STAC: variants seen among roughly 807,000 people sequenced by gnomAD.
STAC encodes SH3 and cysteine rich domain.
Under a neutral mutation model 48.8 loss-of-function variants are expected in STAC, and 43 were observed. That is an observed-to-expected ratio of 0.88 (90% CI 0.69 to 1.14). The LOEUF is 1.14. Among genes scored for constraint, STAC ranks in the 50% most tolerant of loss-of-function variants. STAC has a pLI of 0.00. For synonymous variants in STAC, 193 were observed against 179.5 expected, an observed-to-expected ratio of 1.07 and a Z score of -0.60; for missense variants, 497 against 504.0, an observed-to-expected ratio of 0.99 and a Z score of 0.13.
chr3:36,483,091 T>C lies in STAC; in HGVS notation c.488T>C (p.Leu163Pro). The change falls in exon 3 of 11, where the codon CTG becomes CCG. Residue 163 changes from leucine to proline, a missense_variant and splice_region_variant. Transcript: ENST00000273183. ...GCACCCCAGCGGTGCATGGGCAAGC[T>C]GGTAAGGGCTTGTGCCAGGAGTGAG... Reference protein sequence around the residue: ...GLAPQRCMGKLPKGFRRYYSS... With the variant: ...GLAPQRCMGKPPKGFRRYYSS... The C allele has an allele frequency of 2.5e-6, 4 of 1,612,764 alleles. No individual in the cohort carries two copies. The highest frequency in any genetic ancestry group is 3.4e-6 in the Non-Finnish European group (4 of 1,178,768).
intron 2 of STAC, among the ~76,000 whole-genome samples, chr3:36,462,526 C>T (rs902162412): frequency 1.3e-5 from 2 of 152,044 alleles, no homozygotes; most frequent in Non-Finnish European, 2.9e-5. Context: ...AATGACTGAG[C>T]CCTGGAGCCC....
At chr3:36,431,367 G>A (rs1243970840) in intron 1 of STAC, among the ~76,000 whole-genome samples, 1 of 152,148 alleles carries the variant, frequency 6.6e-6, no homozygotes, top group African/African-American at 2.4e-5. Flanking sequence ...TGCAGAGTGG[G>A]GAGTGGCCAC....
At chr3:36,486,338 C>G in intron 5 of STAC, 89 bp downstream of exon 5, 1 of 1,166,260 alleles carries the variant, frequency 8.6e-7, no homozygotes. Context: ...TTCCACCTGA[C>G]TGCCTCATGA....
At chr3:36,475,827 A>G (rs1697478969) in intron 2 of STAC, among the ~76,000 whole-genome samples, 1 of 152,208 alleles carries the variant, frequency 6.6e-6, no homozygotes, top group Non-Finnish European at 1.5e-5. Context: ...AGAGACAGAG[A>G]GAGTGGCTCC....
intron 1 of STAC, among the ~76,000 whole-genome samples, chr3:36,383,186 T>A (rs1039656844): frequency 6.6e-6 from 1 of 152,224 alleles, no homozygotes. Context: ...TATATTTACA[T>A]AGTTGAGCGA....
rs548327234 is a variant in STAC at position 36,446,458 on chromosome 3, C to T, written c.388+2818C>T. Among the ~76,000 whole-genome samples the T allele has an allele frequency of 2.6e-5, 4 of 152,298 alleles. No individual in the cohort carries two copies. The South Asian group carries it at 6.2e-4, about 24-fold the overall frequency. On this transcript the variant is annotated intron_variant, in intron 2 of 10. Transcript: ENST00000273183. ...ACATACTTCCTCCACCAAGCAGATC[C>T]ACTCTTAGGCCTTGACAATCAGTTA...
chr3:36,469,724 T>C (rs185300197), intron 2 of STAC, among the ~76,000 whole-genome samples: 1 of 152,278 alleles, frequency 6.6e-6, no homozygotes, highest in Non-Finnish European at 1.5e-5. Context: ...TACTTTCAGG[T>C]TTGGATGTCC....
intron 10 of STAC, among the ~76,000 whole-genome samples, chr3:36,532,905 T>G (rs567031485): frequency 5.6e-4 from 85 of 152,258 alleles, no homozygotes; most frequent in African/African-American, 2.0e-3. Flanking sequence ...ACACACTGTA[T>G]AAATAAAGTT....
intron 1 of STAC, among the ~76,000 whole-genome samples, chr3:36,437,912 T>C (rs1441316713): frequency 6.7e-6 from 1 of 148,440 alleles, no homozygotes; most frequent in African/African-American, 2.5e-5. Flanking sequence ...CTCAGAGCAG[T>C]ACCCATGATA....
At chr3:36,423,408 T>C (rs1034764920) in intron 1 of STAC, among the ~76,000 whole-genome samples, 2 of 151,496 alleles carry the variant, frequency 1.3e-5, no homozygotes, top group African/African-American at 4.9e-5. Context: ...CAATGAAATA[T>C]TAGGCTTCAA....
At chr3:36,408,595 A>G (rs1453389679) in intron 1 of STAC, among the ~76,000 whole-genome samples, 2 of 152,188 alleles carry the variant, frequency 1.3e-5, no homozygotes, top group Non-Finnish European at 2.9e-5. Flanking sequence ...TCTAATGGTG[A>G]GGCTCCTGGA....
intron 10 of STAC, among the ~76,000 whole-genome samples, chr3:36,532,994 G>A (rs1485308195): frequency 7.9e-5 from 12 of 152,148 alleles, no homozygotes; most frequent in Admixed American, 7.9e-4. Context: ...TAGAGGTTAT[G>A]TGTCTTGCTC....
chr3:36,398,137 G>A (rs1330453214), intron 1 of STAC, among the ~76,000 whole-genome samples: 2 of 151,956 alleles, frequency 1.3e-5, no homozygotes, highest in Non-Finnish European at 2.9e-5. Flanking sequence ...CCGTGCATCT[G>A]GTTCCCAGAC....
chr3:36,508,385 A>G (rs1342139555), intron 8 of STAC, among the ~76,000 whole-genome samples: 1 of 152,156 alleles, frequency 6.6e-6, no homozygotes, highest in Non-Finnish European at 1.5e-5. Context: ...GCTGAGAAGA[A>G]TGTGTATTCT....
intron 10 of STAC, 28 bp downstream of exon 10, chr3:36,529,013 G>C (rs769430475): frequency 1.3e-6 from 2 of 1,564,968 alleles, no homozygotes. Flanking sequence ...ACACATTCCA[G>C]ATATGAGCCA....
At chr3:36,387,051 T>C (rs920620812) in intron 1 of STAC, among the ~76,000 whole-genome samples, 1 of 152,114 alleles carries the variant, frequency 6.6e-6, no homozygotes, top group African/African-American at 2.4e-5. Flanking sequence ...ATTTTGTTAC[T>C]TTTTCAGTTT....
At chr3:36,447,692 T>C (rs1002120279) in intron 2 of STAC, among the ~76,000 whole-genome samples, 16 of 144,526 alleles carry the variant, frequency 1.1e-4, no homozygotes, top group African/African-American at 4.0e-4. Flanking sequence ...CACAAAGACA[T>C]TGAACTAAAA....
intron 2 of STAC, among the ~76,000 whole-genome samples, chr3:36,447,907 T>G (rs1332695919): frequency 6.6e-6 from 1 of 152,196 alleles, no homozygotes; most frequent in Non-Finnish European, 1.5e-5. Flanking sequence ...TCTAAAACTT[T>G]TATTTTTAAT....
At chr3:36,444,946 T>C (rs1696467408) in intron 2 of STAC, among the ~76,000 whole-genome samples, 2 of 152,190 alleles carry the variant, frequency 1.3e-5, no homozygotes, top group Non-Finnish European at 2.9e-5. Flanking sequence ...CTTCAGACAC[T>C]TCAGCCTCTA....
Sources: allele counts gnomAD v4.1 joint callset (sites outside exome capture counted in the v4.1 genomes callset), GRCh38; gene constraint gnomAD v4.1.1; transcripts MANE v1.5; gene names NCBI Gene and HGNC (gene_info 2026-07-23, HGNC 2026-07-21).